The following PDPN variants were observed in gnomAD, a reference collection of about 807,000 sequenced individuals.
PDPN encodes PA2.26 antigen.
Under a neutral mutation model 23.2 loss-of-function variants are expected in PDPN, and 12 were observed. The ratio of observed to expected loss-of-function variants is 0.52; its 90% CI spans 0.33 to 0.84. PDPN has a LOEUF of 0.84. Ranked by LOEUF, PDPN falls within the 40% of genes least tolerant of loss-of-function variation. The pLI is 0.02. For missense variants in PDPN, 199 were observed against 212.2 expected, an observed-to-expected ratio of 0.94 and a Z score of 0.39; for synonymous variants, 77 against 76.7, an observed-to-expected ratio of 1.00 and a Z score of -0.02.
At chr1:13,586,710 A>G (rs1640187741) in intron 1 of PDPN, among the ~76,000 whole-genome samples, 1 of 151,714 alleles carries the variant, frequency 6.6e-6, no homozygotes, top group Admixed American at 6.6e-5. Context: ...CTGGGTTTGA[A>G]AAATATGTCT....
chr1:13,613,653 A>G, intron 3 of PDPN, 34 bp from the exon 4 acceptor site: 1 of 1,085,254 alleles, frequency 9.2e-7, no homozygotes, highest in Non-Finnish European at 1.4e-6. Flanking sequence ...TTAAACCCTA[A>G]TAATTCTACA....
At chr1:13,599,144 G>C (rs1640574467) in intron 1 of PDPN, among the ~76,000 whole-genome samples, 1 of 151,552 alleles carries the variant, frequency 6.6e-6, no homozygotes, top group Non-Finnish European at 1.5e-5. Context: ...CTGAGTAGCT[G>C]GGACTACAGG....
At chr1:13,605,337 C>T (rs1039065660) in intron 1 of PDPN, among the ~76,000 whole-genome samples, 2 of 152,204 alleles carry the variant, frequency 1.3e-5, no homozygotes, top group African/African-American at 4.8e-5. Flanking sequence ...AAGCACCTCC[C>T]TCCCCCTCGC....
At chr1:13,613,835 G>T in intron 4 of PDPN, 110 bp downstream of exon 4, 1 of 547,978 alleles carries the variant, frequency 1.8e-6, no homozygotes. Context: ...GTCAATGAGA[G>T]CAGAATAGAA....
At chr1:13,612,469 C>T (rs1013072104) in intron 3 of PDPN, among the ~76,000 whole-genome samples, 3 of 152,122 alleles carry the variant, frequency 2.0e-5, no homozygotes, top group Non-Finnish European at 2.9e-5. Context: ...CGTGGTAGGA[C>T]GTGATAAGCA....
chr1:13,615,163 G>A (rs1177326559), intron 5 of PDPN, among the ~76,000 whole-genome samples: 1 of 152,240 alleles, frequency 6.6e-6, no homozygotes, highest in Non-Finnish European at 1.5e-5. Context: ...ACCCACATAC[G>A]TGGTCATAGA....
At chr1:13,611,094 G>A (rs915653319) in intron 3 of PDPN, among the ~76,000 whole-genome samples, 19 of 152,114 alleles carry the variant, frequency 1.2e-4, no homozygotes, top group Admixed American at 2.6e-4. Context: ...GGTGGCGGGC[G>A]CCTGTAGTCC....
intron 1 of PDPN, chr1:13,595,846 CG>C: frequency 7.8e-7 from 1 of 1,285,990 alleles, no homozygotes; most frequent in Non-Finnish European, 1.0e-6. Context: ...TTTAACAACT[CG>C]GGGGTGAAGC....
chr1:13,606,264 A>G lies in PDPN; in HGVS notation c.68-909A>G, dbSNP rs181163289. On this transcript the variant is annotated intron_variant, in intron 1 of 5. Transcript: ENST00000621990. Reference sequence around the variant, plus strand: ...AATGATCCACCCACCTTGGCCTCTCAAAGTGTTGGGATTACAGGCGTGAAC... The same window carrying G: ...AATGATCCACCCACCTTGGCCTCTCGAAGTGTTGGGATTACAGGCGTGAAC... 3.0e-3 allele frequency among the ~76,000 whole-genome samples: 452 copies of G among 152,162 alleles called. 5 individuals carry two copies. The highest frequency in any genetic ancestry group is 1.3e-3 in the Non-Finnish European group (85 of 67,990).
chr1:13,614,408 A>C lies in PDPN; in HGVS notation c.479A>C (p.Tyr160Ser). 2 of 1,493,448 alleles carry C rather than the reference A, an allele frequency of 1.3e-6. No homozygotes were observed. The highest frequency in any genetic ancestry group is 1.9e-6 in the Non-Finnish European group (2 of 1,070,500). The allele number at this position is 1,493,448 out of a possible 1,614,324, so 92.5% of individuals were successfully genotyped here. A position where few individuals can be genotyped will look rare whatever the true frequency, so the allele number is the denominator to read the frequency against. Reference sequence around the variant, plus strand: ...GTTATGCGAAAAATGTCGGGAAGGTACTCGTAAGTAAATAGCTTACACCCA... The same window carrying C: ...GTTATGCGAAAAATGTCGGGAAGGTCCTCGTAAGTAAATAGCTTACACCCA... ...VVVMRKMSGRYSP is the reference protein window; with the variant it reads ...VVVMRKMSGRSSP Residue 160 changes from tyrosine (Y) to serine (S), a missense_variant, in exon 5 of 6, where the codon TAC becomes TCC. By Grantham distance (144) the Tyr-to-Ser change is moderately radical. Coordinates refer to ENST00000621990, the MANE Select transcript of PDPN (RefSeq NM_006474.5).
chr1:13,615,745 G>A (rs754578405), intron 5 of PDPN, among the ~76,000 whole-genome samples, 160 bp from the exon 6 acceptor site: 2 of 152,174 alleles, frequency 1.3e-5, no homozygotes, highest in Non-Finnish European at 2.9e-5. Context: ...TGCTGTGTGA[G>A]GACGAAGGCA....
In PDPN at chr1:13,616,045, C is replaced by A. The variant is rs1183876747; in HGVS notation, c.*134C>A. The A allele has an allele frequency of 5.0e-6, 4 of 800,316 alleles. No homozygotes were observed. Among genetic ancestry groups the A allele is most frequent in the Non-Finnish European group, 6.4e-6 (3 of 468,742 alleles). The allele number at this position is 800,316 out of a possible 1,614,324, so 49.6% of individuals were successfully genotyped here. A position where few individuals can be genotyped will look rare whatever the true frequency, so the allele number is the denominator to read the frequency against. ...CTGGCCCACTCAGAATCCACGGTGA[C>A]CTCTCCGCTTGCCAAAATAACCGAA... is the stretch of plus-strand genomic sequence containing the variant. On this transcript the variant is annotated 3_prime_UTR_variant, in exon 6 of 6. Coordinates refer to ENST00000621990, the MANE Select transcript of PDPN (RefSeq NM_006474.5).
intron 1 of PDPN, among the ~76,000 whole-genome samples, chr1:13,586,976 G>A (rs150919807): frequency 6.6e-6 from 1 of 152,184 alleles, no homozygotes; most frequent in Admixed American, 6.5e-5. Context: ...GCTTGAACTC[G>A]TGAGGCGGCA....
intron 1 of PDPN, chr1:13,585,690 A>T: frequency 7.7e-7 from 1 of 1,294,642 alleles, no homozygotes; most frequent in Non-Finnish European, 1.0e-6. Context: ...TGGTGCTGGA[A>T]ACTCCACTAC....
chr1:13,597,968 C>G (rs937139335), intron 1 of PDPN, among the ~76,000 whole-genome samples: 4 of 151,742 alleles, frequency 2.6e-5, no homozygotes, highest in Non-Finnish European at 4.4e-5. Flanking sequence ...GAGGGAGACC[C>G]TGTCTCAAAA....
intron 2 of PDPN, among the ~76,000 whole-genome samples, chr1:13,610,004 C>T (rs917348308): frequency 9.2e-5 from 14 of 152,204 alleles, no homozygotes; most frequent in Admixed American, 7.2e-4. Context: ...GCAAAGCTTG[C>T]GGTGAAACGA....
At chr1:13,601,662 A>G (rs1457096461) in intron 1 of PDPN, among the ~76,000 whole-genome samples, 2 of 152,178 alleles carry the variant, frequency 1.3e-5, no homozygotes, top group Non-Finnish European at 2.9e-5. Context: ...CAGCCATGAC[A>G]TAGTATTGGA....
chr1:13,594,609 T>A (rs1640439378), intron 1 of PDPN, among the ~76,000 whole-genome samples: 1 of 152,212 alleles, frequency 6.6e-6, no homozygotes, highest in Admixed American at 6.5e-5. Flanking sequence ...CTTGCTCATT[T>A]CATGGGCAGT....
At chr1:13,613,640 T>C (rs745533726) in intron 3 of PDPN, 47 bp from the exon 4 acceptor site, 1 of 921,796 alleles carries the variant, frequency 1.1e-6, no homozygotes, top group South Asian at 1.4e-5. Flanking sequence ...TAAATTATAG[T>C]TATTAAACCC....
Sources: gnomAD v4.1 joint callset for allele counts (sites outside exome capture counted in the v4.1 genomes callset) on GRCh38, gnomAD v4.1.1 for gene constraint, MANE v1.5 for transcripts, NCBI Gene and HGNC (gene_info 2026-07-23, HGNC 2026-07-21) for gene names.